Variants in EML6 observed in about 807,000 individuals in gnomAD.
EML6 encodes EMAP like 6.
Under a neutral mutation model 240.1 loss-of-function variants are expected in EML6, and 154 were observed. The observed-to-expected ratio is 0.64, with a 90% confidence interval of 0.56 to 0.73. The LOEUF (loss-of-function observed/expected upper bound fraction) is 0.73. Among genes scored for constraint, EML6 ranks in the 30% least tolerant of loss-of-function variants. The pLI, the probability that EML6 is intolerant of heterozygous loss-of-function variation, is 0.00. For missense variants in EML6, 2,964 were observed against 2,474.6 expected, an observed-to-expected ratio of 1.20 and a Z score of -4.20; for synonymous variants, 1,148 against 899.0, an observed-to-expected ratio of 1.28 and a Z score of -4.95.
chr2:54,813,961 C>T (rs149326799), intron 3 of EML6, among the ~76,000 whole-genome samples: 84 of 152,310 alleles, frequency 5.5e-4, no homozygotes, highest in Admixed American at 5.0e-3. Context: ...CTGCCACTGT[C>T]CTTTAAGTGC....
chr2:54,912,111 A>G (rs1019658415), intron 25 of EML6, among the ~76,000 whole-genome samples: 17 of 152,244 alleles, frequency 1.1e-4, no homozygotes, highest in African/African-American at 1.7e-4. Flanking sequence ...GGTTCTCCCT[A>G]AGACATTTGG....
At chr2:54,912,524 A>C (rs1239532687) in intron 25 of EML6, among the ~76,000 whole-genome samples, 2 of 152,170 alleles carry the variant, frequency 1.3e-5, no homozygotes, top group African/African-American at 4.8e-5. Flanking sequence ...GGTAGAGAGC[A>C]CAGTACCTAG....
chr2:54,847,455 T>G (rs1669826387), intron 8 of EML6, 31 bp from the exon 9 acceptor site: 1 of 1,544,146 alleles, frequency 6.5e-7, no homozygotes, highest in African/African-American at 1.4e-5. Context: ...AAGTTGGTTT[T>G]GTTTTGTTTT....
At chr2:54,942,058 A>G (rs796923528) in intron 28 of EML6, among the ~76,000 whole-genome samples, 9 of 152,356 alleles carry the variant, frequency 5.9e-5, no homozygotes, top group Middle Eastern at 3.4e-3. Flanking sequence ...TGCTATTTTC[A>G]TAAATGATTT....
intron 2 of EML6, among the ~76,000 whole-genome samples, chr2:54,732,865 T>C (rs1683233902): frequency 6.6e-6 from 1 of 152,260 alleles, no homozygotes; most frequent in Non-Finnish European, 1.5e-5. Flanking sequence ...ATTGGATTTG[T>C]TTACTCCCAA....
intron 5 of EML6, among the ~76,000 whole-genome samples, chr2:54,824,281 T>G (rs1668482474): frequency 6.6e-6 from 1 of 152,210 alleles, no homozygotes; most frequent in South Asian, 2.1e-4. Context: ...TGTTTAAATT[T>G]AATTGTCTTA....
chr2:54,763,880 G>A (rs1668075777), intron 2 of EML6, among the ~76,000 whole-genome samples: 1 of 152,194 alleles, frequency 6.6e-6, no homozygotes, highest in South Asian at 2.1e-4. Flanking sequence ...CTCTGCCAGA[G>A]CGAGGCTGGG....
At chr2:54,862,352 A>C (rs1243123092) in intron 12 of EML6, among the ~76,000 whole-genome samples, 1 of 150,818 alleles carries the variant, frequency 6.6e-6, no homozygotes, top group East Asian at 1.9e-4. Context: ...AAAAAAAAAA[A>C]AAAAAAAAAA....
chr2:54,791,589 C>A (rs1669455509), intron 2 of EML6, among the ~76,000 whole-genome samples: 1 of 152,134 alleles, frequency 6.6e-6, no homozygotes, highest in African/African-American at 2.4e-5. Flanking sequence ...GGCTGAGGTA[C>A]TATAATAAAA....
intron 2 of EML6, among the ~76,000 whole-genome samples, chr2:54,803,655 C>G (rs1670298691): frequency 2.0e-5 from 3 of 152,200 alleles, no homozygotes; most frequent in Admixed American, 6.5e-5. Flanking sequence ...ATTAAGGTAT[C>G]AAAACGGCTT....
chr2:54,930,953 C>CTTTTT (rs34403438), intron 28 of EML6, among the ~76,000 whole-genome samples: 19 of 104,616 alleles, frequency 1.8e-4, no homozygotes, highest in Admixed American at 2.3e-4. Flanking sequence ...CCGTAGGCAT[C>CTTTTT]TTTTTTTTTT....
At chr2:54,799,437 C>T (rs1669997981) in intron 2 of EML6, among the ~76,000 whole-genome samples, 1 of 151,902 alleles carries the variant, frequency 6.6e-6, no homozygotes. Context: ...CCTCTGACTC[C>T]CTGATTCAAG....
At chr2:54,866,646 C>A in intron 13 of EML6, 120 bp from the exon 14 acceptor site, 1 of 529,068 alleles carries the variant, frequency 1.9e-6, no homozygotes, top group South Asian at 3.5e-5. Context: ...ATTCTCATGT[C>A]TTAAGTTTTC....
Position 54,954,130 on chromosome 2 carries a change from C to T in EML6, c.4460C>T (p.Thr1487Ile). Residue 1487 changes from threonine (T) to isoleucine (I), a missense_variant, in exon 32 of 42, where the codon ACC becomes ATC. By Grantham distance (89) the Thr-to-Ile change is moderately conservative. Transcript: ENST00000356458. ...TCGGTGGGAGTGGACCCTGAGCACA[C>T]CATCACTGTCTGGCGATGGCAGGAA... ...LVSVGVDPEH[T>I]ITVWRWQEGA... 2 of 1,551,420 alleles carry T rather than the reference C, an allele frequency of 1.3e-6. No homozygotes were observed. Among genetic ancestry groups the T allele is most frequent in the Non-Finnish European group, 8.7e-7 (1 of 1,146,864 alleles).
intron 17 of EML6, among the ~76,000 whole-genome samples, chr2:54,883,140 A>G (rs1671929565): frequency 6.6e-6 from 1 of 152,128 alleles, no homozygotes. Flanking sequence ...ACTTAATAAA[A>G]GGAAAATCAT....
intron 10 of EML6, 140 bp downstream of exon 10, chr2:54,850,358 A>G (rs2103745196): frequency 1.5e-6 from 1 of 672,276 alleles, no homozygotes; most frequent in South Asian, 2.0e-5. Flanking sequence ...CCCCCACCTC[A>G]GGGCAAGGAA....
chr2:54,746,931 C>A (rs186292966), intron 2 of EML6, among the ~76,000 whole-genome samples: 2 of 152,272 alleles, frequency 1.3e-5, no homozygotes, highest in African/African-American at 4.8e-5. Context: ...CAGTAGATAT[C>A]CCAGGAGTGT....
At chr2:54,955,569 GCT>G (rs1312831014) in intron 32 of EML6, among the ~76,000 whole-genome samples, 1 of 152,164 alleles carries the variant, frequency 6.6e-6, no homozygotes, top group African/African-American at 2.4e-5. Flanking sequence ...TTGGAAGAAA[GCT>G]CTCACACTGG....
chr2:54,824,477 C>T (rs191675075), intron 5 of EML6, among the ~76,000 whole-genome samples: 6 of 151,722 alleles, frequency 4.0e-5, no homozygotes, highest in African/African-American at 7.3e-5. Context: ...CTTTTTTTTC[C>T]CCAGAAAACC....
Sources: allele counts gnomAD v4.1 joint callset (sites outside exome capture counted in the v4.1 genomes callset), GRCh38; gene constraint gnomAD v4.1.1; transcripts MANE v1.5; gene names NCBI Gene and HGNC (gene_info 2026-07-23, HGNC 2026-07-21).